Variants in ROBO2 observed in about 807,000 individuals in gnomAD.
The protein encoded by ROBO2 is roundabout guidance receptor 2, also known as roundabout homolog 2.
Under a neutral mutation model 160.8 loss-of-function variants are expected in ROBO2, and 53 were observed. The ratio of observed to expected loss-of-function variants is 0.33; its 90% CI spans 0.26 to 0.41. The LOEUF is 0.41. Among genes scored for constraint, ROBO2 ranks in the 10% least tolerant of loss-of-function variants. The pLI, the probability that ROBO2 is intolerant of heterozygous loss-of-function variation, is 1.00. For synonymous variants in ROBO2, 664 were observed against 611.7 expected (o/e 1.09, Z -1.26); for missense variants, 1,577 against 1,722.4 (o/e 0.92, Z 1.49).
At chr3:76,658,685 G>A (rs1443125690) in intron 2 of ROBO2, among the ~76,000 whole-genome samples, 4 of 152,064 alleles carry the variant, frequency 2.6e-5, no homozygotes, top group Admixed American at 6.6e-5. Flanking sequence ...CTATGGATGC[G>A]TAGTATTCCA....
intron 2 of ROBO2, 80 bp from the exon 3 acceptor site, chr3:77,477,334 A>G: frequency 7.1e-7 from 1 of 1,415,160 alleles, no homozygotes; most frequent in East Asian, 2.3e-5. Flanking sequence ...AAGGTAAACA[A>G]GACTTGAAGT....
intron 2 of ROBO2, among the ~76,000 whole-genome samples, chr3:76,432,270 A>T (rs2076470050): frequency 1.3e-5 from 2 of 152,214 alleles, no homozygotes; most frequent in African/African-American, 4.8e-5. Flanking sequence ...ACATTAGCAT[A>T]GAATATTTTA....
intron 2 of ROBO2, among the ~76,000 whole-genome samples, chr3:76,000,075 A>G (rs2065838055): frequency 6.6e-6 from 1 of 152,218 alleles, no homozygotes. Flanking sequence ...ATGAACTCAC[A>G]GTTCCACGTG....
At chr3:76,771,965 G>T (rs2061933489) in intron 2 of ROBO2, among the ~76,000 whole-genome samples, 2 of 151,212 alleles carry the variant, frequency 1.3e-5, no homozygotes, top group Admixed American at 1.3e-4. Context: ...AATATTGAAG[G>T]TACAAATATT....
chr3:77,357,982 T>A (rs1323535674), intron 2 of ROBO2, among the ~76,000 whole-genome samples: 1 of 152,180 alleles, frequency 6.6e-6, no homozygotes, highest in Non-Finnish European at 1.5e-5. Flanking sequence ...AAAGAAACAG[T>A]GTCTTCTCAG....
At chr3:76,435,361 T>C (rs1271191805) in intron 2 of ROBO2, 3 of 793,398 alleles carry the variant, frequency 3.8e-6, no homozygotes, top group Non-Finnish European at 7.0e-6. Context: ...TTCCCAGTTC[T>C]TGAACAGTTC....
chr3:77,202,867 C>A (rs918416720), intron 2 of ROBO2, among the ~76,000 whole-genome samples: 1 of 152,156 alleles, frequency 6.6e-6, no homozygotes, highest in Non-Finnish European at 1.5e-5. Context: ...AAGTTTAAGG[C>A]AAAGGCCTTA....
chr3:77,382,452 GT>G (rs2073627319), intron 2 of ROBO2, among the ~76,000 whole-genome samples: 1 of 149,812 alleles, frequency 6.7e-6, no homozygotes, highest in South Asian at 2.1e-4. Flanking sequence ...GGTACAAGTT[GT>G]TTTTGGTTAA....
intron 2 of ROBO2, among the ~76,000 whole-genome samples, chr3:76,976,809 T>C (rs1406673545): frequency 5.3e-5 from 8 of 152,218 alleles, no homozygotes; most frequent in Non-Finnish European, 1.2e-4. Context: ...AGGAATTTTA[T>C]ATCAGGCAAT....
intron 2 of ROBO2, among the ~76,000 whole-genome samples, chr3:76,896,504 T>G (rs899387817): frequency 4.6e-5 from 7 of 152,154 alleles, no homozygotes; most frequent in Non-Finnish European, 1.0e-4. Flanking sequence ...ATATTTATAT[T>G]TCAAATAAAT....
rs147481882 is a variant in ROBO2 at position 76,318,189 on chromosome 3, A to G, written c.109+380587A>G. 3.2e-3 allele frequency among the ~76,000 whole-genome samples: 480 copies of G among 152,218 alleles called. 2 individuals carry two copies. Among genetic ancestry groups the G allele is most frequent in the African/African-American group, 0.011 (439 of 41,548 alleles). ...GTAGGTATATTAAAGTAGGTATATT[A>G]AAAAAGCTCTTTGAATTTTACTTAC... On this transcript the variant is annotated intron_variant, in intron 2 of 26. Transcript: ENST00000487694.
chr3:77,589,170 T>C (rs1008087838), intron 17 of ROBO2, among the ~76,000 whole-genome samples: 1 of 152,070 alleles, frequency 6.6e-6, no homozygotes. Context: ...CACAGACTGA[T>C]AAAAATGCTT....
chr3:76,052,323 G>A (rs1025108457), intron 2 of ROBO2, among the ~76,000 whole-genome samples: 2 of 151,988 alleles, frequency 1.3e-5, no homozygotes, highest in African/African-American at 4.8e-5. Context: ...ATGTATGCTA[G>A]GACTCACTCA....
intron 2 of ROBO2, among the ~76,000 whole-genome samples, chr3:77,121,563 C>A (rs902464340): frequency 2.0e-5 from 3 of 151,960 alleles, no homozygotes; most frequent in Non-Finnish European, 2.9e-5. Flanking sequence ...AAAATTTCTC[C>A]TATTTGAATA....
At chr3:76,433,627 G>A (rs1314453738) in intron 2 of ROBO2, among the ~76,000 whole-genome samples, 2 of 152,208 alleles carry the variant, frequency 1.3e-5, no homozygotes, top group African/African-American at 4.8e-5. Flanking sequence ...GTACGTGGAT[G>A]TGTGTATTCC....
chr3:77,006,804 A>T (rs936665143), intron 2 of ROBO2, among the ~76,000 whole-genome samples: 2 of 152,086 alleles, frequency 1.3e-5, no homozygotes, highest in African/African-American at 4.8e-5. Context: ...CATAAGTGAT[A>T]AAAAATAGGA....
intron 2 of ROBO2, among the ~76,000 whole-genome samples, chr3:76,331,424 A>G (rs1283824005): frequency 6.6e-6 from 1 of 151,998 alleles, no homozygotes; most frequent in Admixed American, 6.6e-5. Context: ...CTTTTTTTAT[A>G]TGTAACCTGT....
At position 76,805,594 on chromosome 3, in the gene ROBO2, T is replaced by G. The variant is rs1213572926; in HGVS notation, c.110-292420T>G. Among the ~76,000 whole-genome samples, 3 of 152,102 alleles carry G rather than the reference T, an allele frequency of 2.0e-5. No homozygotes were observed. The East Asian group carries it at 5.8e-4, about 29-fold the overall frequency. On this transcript the variant is annotated intron_variant, in intron 2 of 26. Transcript: ENST00000487694. ...TTGAGAAATTAATTTTAGCCAATTT[T>G]AGTAGTAACATAGATCAGAAAAGCG...
chr3:77,596,895 T>A (rs1014871100), intron 19 of ROBO2, 145 bp downstream of exon 20: 1 of 986,766 alleles, frequency 1.0e-6, no homozygotes, highest in Admixed American at 2.6e-5. Flanking sequence ...CTAACAGTGT[T>A]GTACATTTGC....
Sources: gnomAD v4.1 joint callset for allele counts (sites outside exome capture counted in the v4.1 genomes callset) on GRCh38, gnomAD v4.1.1 for gene constraint, MANE v1.5 for transcripts, NCBI Gene and HGNC (gene_info 2026-07-23, HGNC 2026-07-21) for gene names.